SKAP2: variants seen among roughly 807,000 people sequenced by gnomAD.
SKAP2 encodes src kinase-associated phosphoprotein 2.
In SKAP2, 28 loss-of-function variants were observed where a neutral mutation model predicts 54.9. That is an observed-to-expected ratio of 0.51 (90% CI 0.38 to 0.70). SKAP2 has a LOEUF of 0.70. Among genes scored for constraint, SKAP2 ranks in the 30% least tolerant of loss-of-function variants. SKAP2 has a pLI of 0.00. For synonymous variants in SKAP2, 137 were observed against 134.3 expected (o/e 1.02, Z -0.14); for missense variants, 356 against 424.1 (o/e 0.84, Z 1.41).
intron 4 of SKAP2, 142 bp downstream of exon 4, chr7:26,843,888 G>A (rs952362451): frequency 1.9e-6 from 1 of 537,200 alleles, no homozygotes; most frequent in Non-Finnish European, 3.3e-6. Context: ...ACTAGAGAGA[G>A]CTCTTCTGTT....
intron 9 of SKAP2, among the ~76,000 whole-genome samples, chr7:26,723,946 A>G (rs1302213438): frequency 6.6e-6 from 1 of 152,162 alleles, no homozygotes; most frequent in Non-Finnish European, 1.5e-5. Context: ...ACCAAAAACA[A>G]GCAGCCAGGG....
chr7:26,836,663 T>G (rs936951779), intron 4 of SKAP2, among the ~76,000 whole-genome samples: 7 of 152,054 alleles, frequency 4.6e-5, no homozygotes, highest in Admixed American at 2.6e-4. Flanking sequence ...GTTAGAACAG[T>G]GATCATTAAA....
the SKAP2 span, among the ~76,000 whole-genome samples, chr7:26,661,385 A>G: frequency 1.3e-5 from 2 of 152,184 alleles, no homozygotes; most frequent in East Asian, 1.9e-4. Context: ...ATAGATAGAC[A>G]TCTGGAAGAA....
intron 4 of SKAP2, among the ~76,000 whole-genome samples, chr7:26,824,235 T>C (rs1784443904): frequency 6.6e-6 from 1 of 152,224 alleles, no homozygotes; most frequent in Admixed American, 6.5e-5. Context: ...AGGGCTAAGA[T>C]GATTGCTGAC....
intron 9 of SKAP2, among the ~76,000 whole-genome samples, chr7:26,699,573 C>T (rs971025321): frequency 2.0e-5 from 3 of 151,956 alleles, no homozygotes; most frequent in African/African-American, 4.8e-5. Flanking sequence ...TATTTACCAA[C>T]CTATTTATCA....
chr7:26,673,149 C>A (rs570326375), intron 11 of SKAP2, among the ~76,000 whole-genome samples: 1 of 152,116 alleles, frequency 6.6e-6, no homozygotes, highest in East Asian at 1.9e-4. Flanking sequence ...ACAATCCATA[C>A]CAGGCTGTTG....
intron 10 of SKAP2, among the ~76,000 whole-genome samples, chr7:26,688,409 G>A (rs550084311): frequency 1.3e-5 from 2 of 152,230 alleles, no homozygotes; most frequent in South Asian, 4.1e-4. Flanking sequence ...GTGGTGGGGG[G>A]TTTAGTAAAA....
intron 4 of SKAP2, among the ~76,000 whole-genome samples, chr7:26,756,487 T>G (rs1021704315): frequency 2.0e-5 from 3 of 152,188 alleles, no homozygotes; most frequent in African/African-American, 7.2e-5. Context: ...TTCATCCATG[T>G]CCCTACAAAG....
intron 6 of SKAP2, among the ~76,000 whole-genome samples, chr7:26,730,460 T>C (rs1787799415): frequency 6.6e-6 from 1 of 152,214 alleles, no homozygotes; most frequent in South Asian, 2.1e-4. Flanking sequence ...TGGAAAGCTT[T>C]CTAAAATATA....
chr7:26,710,183 G>C (rs1239050406), intron 9 of SKAP2, among the ~76,000 whole-genome samples: 1 of 152,158 alleles, frequency 6.6e-6, no homozygotes, highest in Non-Finnish European at 1.5e-5. Flanking sequence ...ACTTGGTCAA[G>C]TACTCTGGGG....
At chr7:26,655,364 G>T in the SKAP2 span, among the ~76,000 whole-genome samples, 1 of 151,986 alleles carries the variant, frequency 6.6e-6, no homozygotes, top group African/African-American at 2.4e-5. Flanking sequence ...AGTGATTGCT[G>T]TTGACCATTG....
chr7:26,708,471 C>T (rs1391780643), intron 9 of SKAP2, among the ~76,000 whole-genome samples: 1 of 152,156 alleles, frequency 6.6e-6, no homozygotes, highest in Non-Finnish European at 1.5e-5. Flanking sequence ...TATGAACTCC[C>T]GTTTCCCTAT....
chr7:26,672,236 T>C (rs1302888827), intron 11 of SKAP2, among the ~76,000 whole-genome samples: 1 of 152,062 alleles, frequency 6.6e-6, no homozygotes, highest in African/African-American at 2.4e-5. Flanking sequence ...ACTTTGGTCA[T>C]AGTCTATGCT....
intron 4 of SKAP2, among the ~76,000 whole-genome samples, chr7:26,813,600 C>T (rs1784202359): frequency 6.6e-6 from 1 of 152,170 alleles, no homozygotes; most frequent in Non-Finnish European, 1.5e-5. Flanking sequence ...TCAGCAATGC[C>T]GCTGGCTTGG....
chr7:26,748,558 A>G (rs1273557705), intron 4 of SKAP2, among the ~76,000 whole-genome samples: 1 of 151,996 alleles, frequency 6.6e-6, no homozygotes, highest in Admixed American at 6.6e-5. Context: ...CTCCTCAGCA[A>G]CTCTTTATCT....
chr7:26,864,345 C>G lies in SKAP2; in HGVS notation c.67+18G>C. On this transcript the variant is annotated intron_variant, in intron 1 of 12. Transcript: ENST00000345317. The stretch of plus-strand genomic sequence containing the variant: ...GCCCCCGCCCCGACAGCATTATCGC[C>G]GCCTTCCCGCTCTTTACCTGCCAAC... 1.2e-6 allele frequency: 2 copies of G among 1,613,790 alleles called. 1 individual carries two copies. The highest frequency in any genetic ancestry group is 2.2e-5 in the South Asian group (2 of 91,074).
intron 4 of SKAP2, among the ~76,000 whole-genome samples, chr7:26,834,675 A>G (rs1372809842): frequency 1.3e-5 from 2 of 152,214 alleles, no homozygotes; most frequent in African/African-American, 4.8e-5. Flanking sequence ...TAGACCCATA[A>G]CAAGTTCTGA....
chr7:26,693,590 A>G (rs984633064), intron 9 of SKAP2, among the ~76,000 whole-genome samples: 1 of 152,186 alleles, frequency 6.6e-6, no homozygotes, highest in African/African-American at 2.4e-5. Context: ...TTATCAGAAT[A>G]ATGATATTAA....
chr7:26,691,252 A>C (rs1002307315), intron 9 of SKAP2, among the ~76,000 whole-genome samples: 1 of 152,244 alleles, frequency 6.6e-6, no homozygotes, highest in African/African-American at 2.4e-5. Flanking sequence ...AGATAAAATT[A>C]AATGAGAAGA....
Sources: gnomAD v4.1 joint callset for allele counts (sites outside exome capture counted in the v4.1 genomes callset) on GRCh38, gnomAD v4.1.1 for gene constraint, MANE v1.5 for transcripts, NCBI Gene and HGNC (gene_info 2026-07-23, HGNC 2026-07-21) for gene names.